TENM2: variants seen among roughly 807,000 people sequenced by gnomAD.
The protein encoded by TENM2 is teneurin transmembrane protein 2.
In TENM2, 52 loss-of-function variants were observed where a neutral mutation model predicts 245.2. The ratio of observed to expected loss-of-function variants is 0.21; its 90% CI spans 0.17 to 0.27. TENM2 has a LOEUF of 0.27. Among genes scored for constraint, TENM2 ranks in the 10% least tolerant of loss-of-function variants. TENM2 has a pLI of 1.00. For missense variants in TENM2, 3,046 were observed against 3,666.8 expected, an observed-to-expected ratio of 0.83 and a Z score of 4.37; for synonymous variants, 1,363 against 1,438.9, an observed-to-expected ratio of 0.95 and a Z score of 1.19.
intron 5 of TENM2, among the ~76,000 whole-genome samples, chr5:168,034,140 CATATATATGT>C (rs1787432196): frequency 1.1e-5 from 1 of 93,140 alleles, no homozygotes; most frequent in African/African-American, 3.9e-5. Flanking sequence ...TATATGTATA[CATATATATGT>C]GTATATATAT....
chr5:167,686,565 G>A (rs1048412465), intron 2 of TENM2, among the ~76,000 whole-genome samples: 8 of 152,118 alleles, frequency 5.3e-5, no homozygotes, highest in Admixed American at 1.3e-4. Flanking sequence ...GTAGGGCTCC[G>A]CACAAGTGAG....
chr5:167,658,326 G>A (rs980558003), intron 2 of TENM2, among the ~76,000 whole-genome samples: 2 of 151,482 alleles, frequency 1.3e-5, no homozygotes, highest in Non-Finnish European at 2.9e-5. Flanking sequence ...CTCCTGCCTC[G>A]GCCTCCCAAG....
intron 9 of TENM2, among the ~76,000 whole-genome samples, chr5:168,112,945 A>G (rs1271225507): frequency 6.6e-6 from 1 of 152,244 alleles, no homozygotes; most frequent in Non-Finnish European, 1.5e-5. Context: ...TAAGGCAACC[A>G]ACTATTAGTG....
chr5:167,057,610 A>G, the TENM2 span, among the ~76,000 whole-genome samples: 2 of 151,942 alleles, frequency 1.3e-5, no homozygotes, highest in African/African-American at 4.8e-5. Flanking sequence ...TAAAGTTGGT[A>G]TTTTCCCTTT....
intron 13 of TENM2, among the ~76,000 whole-genome samples, chr5:168,173,998 A>C (rs906355174): frequency 1.3e-5 from 2 of 152,230 alleles, no homozygotes; most frequent in African/African-American, 4.8e-5. Flanking sequence ...CCTAGTCCAC[A>C]TGGAGAATGG....
In TENM2 at chr5:167,337,123, CAAAAAAAAAAAAA is replaced by C. The variant is rs71591174; in HGVS notation, c.227-38057_227-38045del. On this transcript the variant is annotated intron_variant, in intron 1 of 28. Coordinates refer to ENST00000518659, the Ensembl canonical transcript of TENM2. ...TGGGCGACAGAGGGAGACTCCGTCTCAAAAAAAAAAAAAAAAAAAAAAAAAAAAAATCAAAAAT... is the reference window on the plus strand; with the variant it reads ...TGGGCGACAGAGGGAGACTCCGTCTCAAAAAAAAAAAAAAAAATCAAAAAT... Among the ~76,000 whole-genome samples, 36 of 56,668 alleles carry C rather than the reference CAAAAAAAAAAAAA, an allele frequency of 6.4e-4. 2 individuals are homozygous for C. Among genetic ancestry groups the C allele is most frequent in the South Asian group, 8.8e-4 (1 of 1,132 alleles). The allele number at this position is 56,668 out of a possible 152,430, so 37.2% of individuals were successfully genotyped here. A position where few individuals can be genotyped will look rare whatever the true frequency, so the allele number is the denominator to read the frequency against.
At chr5:166,982,234 A>G in the TENM2 span, among the ~76,000 whole-genome samples, 6 of 152,174 alleles carry the variant, frequency 3.9e-5, no homozygotes, top group African/African-American at 9.7e-5. Context: ...GAACTTGTCA[A>G]TCACATTTGG....
chr5:167,357,870 G>A (rs11134457), intron 1 of TENM2, among the ~76,000 whole-genome samples: 151,365 of 152,294 alleles, frequency 0.99, 75,221 homozygotes, highest in Middle Eastern at 1. Flanking sequence ...AATCAGAAAC[G>A]AATTTCGAAA....
chr5:167,483,866 C>T (rs926106413), intron 2 of TENM2, among the ~76,000 whole-genome samples: 4 of 152,102 alleles, frequency 2.6e-5, no homozygotes, highest in African/African-American at 9.7e-5. Flanking sequence ...AAAAGCTCCC[C>T]AAGGCAGGAA....
intron 2 of TENM2, among the ~76,000 whole-genome samples, chr5:167,519,207 A>G (rs903857283): frequency 8.5e-5 from 13 of 152,146 alleles, no homozygotes; most frequent in Non-Finnish European, 1.5e-5. Context: ...ATATGCTTAA[A>G]TATTATCTTC....
chr5:167,160,812 A>G, the TENM2 span, among the ~76,000 whole-genome samples: 8 of 152,242 alleles, frequency 5.3e-5, no homozygotes, highest in East Asian at 1.5e-3. Context: ...AATGTCCCTC[A>G]TGCCCAGCTA....
intron 5 of TENM2, among the ~76,000 whole-genome samples, chr5:168,006,607 G>GCT (rs1180527980): frequency 6.6e-6 from 1 of 152,172 alleles, no homozygotes; most frequent in African/African-American, 2.4e-5. Context: ...CAGGCACAAG[G>GCT]CTCTTCAGTA....
chr5:167,264,300 G>C, the TENM2 span, among the ~76,000 whole-genome samples: 2 of 152,072 alleles, frequency 1.3e-5, no homozygotes, highest in South Asian at 4.1e-4. Flanking sequence ...TGGAAGTTTT[G>C]AACTTGTGAA....
At chr5:167,249,996 G>A in the TENM2 span, among the ~76,000 whole-genome samples, 2 of 152,092 alleles carry the variant, frequency 1.3e-5, no homozygotes, top group African/African-American at 4.8e-5. Flanking sequence ...TTCCAGGAAG[G>A]CCATACATGA....
chr5:167,662,660 T>C (rs1450211659), intron 2 of TENM2, among the ~76,000 whole-genome samples: 6 of 152,228 alleles, frequency 3.9e-5, no homozygotes, highest in Admixed American at 3.9e-4. Flanking sequence ...TAATATTTGT[T>C]TTTATTTACC....
At chr5:167,418,264 G>A (rs1466344810) in intron 2 of TENM2, among the ~76,000 whole-genome samples, 2 of 151,628 alleles carry the variant, frequency 1.3e-5, no homozygotes, top group African/African-American at 2.4e-5. Context: ...CGGAGGTGGA[G>A]GTTGAGGTGA....
chr5:168,004,048 A>T (rs1330965036), intron 5 of TENM2, among the ~76,000 whole-genome samples: 1 of 152,218 alleles, frequency 6.6e-6, no homozygotes, highest in African/African-American at 2.4e-5. Context: ...TTGGTTCTCC[A>T]GAGACCATAG....
chr5:167,267,833 A>G, the TENM2 span, among the ~76,000 whole-genome samples: 1 of 152,142 alleles, frequency 6.6e-6, no homozygotes, highest in Non-Finnish European at 1.5e-5. Flanking sequence ...TTTGCACAAA[A>G]TTTTTTATGG....
chr5:167,105,869 C>CAGAGCG, the TENM2 span, among the ~76,000 whole-genome samples: 4 of 102,156 alleles, frequency 3.9e-5, no homozygotes, highest in Non-Finnish European at 5.2e-5. Flanking sequence ...GCCTGGGCGA[C>CAGAGCG]AGAGCGAGAC....
Sources: allele counts gnomAD v4.1 joint callset (sites outside exome capture counted in the v4.1 genomes callset), GRCh38; gene constraint gnomAD v4.1.1; transcripts MANE v1.5; gene names NCBI Gene and HGNC (gene_info 2026-07-23, HGNC 2026-07-21).